FGF14: variants seen among roughly 807,000 people sequenced by gnomAD.
FGF14 encodes fibroblast growth factor homologous factor 4.
Under a neutral mutation model 25.5 loss-of-function variants are expected in FGF14, and 5 were observed. The ratio of observed to expected loss-of-function variants is 0.20; its 90% CI spans 0.10 to 0.41. FGF14 has a LOEUF of 0.41. Among genes scored for constraint, FGF14 ranks in the 10% least tolerant of loss-of-function variants. FGF14 has a pLI of 1.00. For missense variants in FGF14, 222 were observed against 320.1 expected, an observed-to-expected ratio of 0.69 and a Z score of 2.34; for synonymous variants, 138 against 118.3, an observed-to-expected ratio of 1.17 and a Z score of -1.08.
chr13:102,103,724 G>T (rs1466542176), intron 1 of FGF14, among the ~76,000 whole-genome samples: 1 of 152,112 alleles, frequency 6.6e-6, no homozygotes, highest in Non-Finnish European at 1.5e-5. Context: ...TGTTTTAGAG[G>T]TCCTTTACCT....
intron 1 of FGF14, among the ~76,000 whole-genome samples, chr13:102,399,815 G>A (rs2058659935): frequency 6.6e-6 from 1 of 152,056 alleles, no homozygotes; most frequent in Non-Finnish European, 1.5e-5. Flanking sequence ...CTAGAACACA[G>A]GGAGGAGGAC....
chr13:101,720,425 AAAAT>A lies in FGF14; in HGVS notation c.*2402_*2405del, dbSNP rs1489373793. The A allele has an allele frequency of 6.6e-6, 1 of 152,148 alleles. No homozygotes were observed. The highest frequency in any genetic ancestry group is 1.5e-5 in the Non-Finnish European group (1 of 68,012). The allele number at this position is 152,148 out of a possible 1,614,324, so 9.4% of individuals were successfully genotyped here. A position where few individuals can be genotyped will look rare whatever the true frequency, so the allele number is the denominator to read the frequency against. On this transcript the variant is annotated 3_prime_UTR_variant, in exon 5 of 5. Coordinates refer to ENST00000376143, the MANE Select transcript of FGF14 (RefSeq NM_004115.4). ...TTTACATAAATCTCAGTCATTTACAAAAATAAATCTTGTCTTAATTTAAACCAAT... is the reference window on the plus strand; with the variant it reads ...TTTACATAAATCTCAGTCATTTACAAAAATCTTGTCTTAATTTAAACCAAT...
chr13:102,124,411 C>T (rs2045864592), intron 1 of FGF14, among the ~76,000 whole-genome samples: 1 of 151,914 alleles, frequency 6.6e-6, no homozygotes, highest in Non-Finnish European at 1.5e-5. Context: ...GAGTTGTAGC[C>T]ATAGTGGGGT....
chr13:101,985,695 G>C (rs1423621219), intron 1 of FGF14, among the ~76,000 whole-genome samples: 1 of 152,008 alleles, frequency 6.6e-6, no homozygotes, highest in Non-Finnish European at 1.5e-5. Flanking sequence ...CCAGCTCCTA[G>C]TGTCATCCTG....
intron 3 of FGF14, among the ~76,000 whole-genome samples, chr13:101,775,966 A>G (rs1159321854): frequency 6.6e-6 from 1 of 152,192 alleles, no homozygotes; most frequent in Non-Finnish European, 1.5e-5. Flanking sequence ...ATGTTTTTCC[A>G]AGATAAAGAA....
At chr13:102,263,251 C>T (rs866017384) in intron 1 of FGF14, 10 of 361,890 alleles carry the variant, frequency 2.8e-5, no homozygotes, top group Middle Eastern at 1.1e-3. Flanking sequence ...AGAGAAAGGA[C>T]GATTTATTTT....
intron 1 of FGF14, among the ~76,000 whole-genome samples, chr13:102,195,970 T>A (rs1259887379): frequency 6.6e-6 from 1 of 152,176 alleles, no homozygotes; most frequent in African/African-American, 2.4e-5. Flanking sequence ...TAGATCAGTA[T>A]TGAGATTACA....
intron 1 of FGF14, among the ~76,000 whole-genome samples, chr13:102,387,740 T>G (rs895197404): frequency 9.9e-5 from 15 of 152,054 alleles, no homozygotes; most frequent in Non-Finnish European, 1.6e-4. Context: ...TGAGAGTTTT[T>G]GGGTTTTTTT....
intron 1 of FGF14, among the ~76,000 whole-genome samples, chr13:102,013,191 TAAA>T (rs980443578): frequency 6.6e-6 from 1 of 151,228 alleles, no homozygotes; most frequent in African/African-American, 2.4e-5. Flanking sequence ...ACACCAGAGA[TAAA>T]AAGAAGTAGG....
chr13:101,813,495 C>T (rs942257974), intron 3 of FGF14, among the ~76,000 whole-genome samples: 6 of 150,608 alleles, frequency 4.0e-5, no homozygotes, highest in Middle Eastern at 6.8e-3. Context: ...AAGCCTTCAC[C>T]AGACACCAAA....
intron 3 of FGF14, among the ~76,000 whole-genome samples, chr13:101,780,290 C>T (rs1169238041): frequency 6.6e-6 from 1 of 152,166 alleles, no homozygotes; most frequent in Non-Finnish European, 1.5e-5. Context: ...ACCCTTGCTT[C>T]CTTTGCTACC....
chr13:101,964,346 A>G (rs2037052893), intron 1 of FGF14, among the ~76,000 whole-genome samples: 1 of 152,210 alleles, frequency 6.6e-6, no homozygotes, highest in African/African-American at 2.4e-5. Context: ...CCACAACTGG[A>G]TACGAAATGC....
At chr13:102,191,516 G>T (rs1648587846) in intron 1 of FGF14, among the ~76,000 whole-genome samples, 1 of 152,040 alleles carries the variant, frequency 6.6e-6, no homozygotes, top group African/African-American at 2.4e-5. Context: ...CCCATCATGA[G>T]TTCCCATTCA....
chr13:102,271,075 A>G (rs1537935), intron 1 of FGF14, among the ~76,000 whole-genome samples: 120,139 of 152,114 alleles, frequency 0.79, 48,328 homozygotes, highest in African/African-American at 0.95. Context: ...CACATGCTCT[A>G]CAGAGATATT....
At chr13:102,149,690 A>G (rs1177910890) in intron 1 of FGF14, among the ~76,000 whole-genome samples, 1 of 152,174 alleles carries the variant, frequency 6.6e-6, no homozygotes, top group East Asian at 1.9e-4. Context: ...TGGGGGGAGT[A>G]ATAGGGACAA....
At chr13:102,061,707 A>G (rs2140107742) in intron 1 of FGF14, among the ~76,000 whole-genome samples, 1 of 152,320 alleles carries the variant, frequency 6.6e-6, no homozygotes, top group African/African-American at 2.4e-5. Flanking sequence ...GAACTGACAC[A>G]TGTGGCCTCC....
At chr13:102,088,845 A>G (rs1246838114) in intron 1 of FGF14, among the ~76,000 whole-genome samples, 1 of 152,198 alleles carries the variant, frequency 6.6e-6, no homozygotes, top group Non-Finnish European at 1.5e-5. Context: ...AGATGAGTAC[A>G]TTATACATAA....
At chr13:102,212,581 T>C (rs569381902) in intron 1 of FGF14, among the ~76,000 whole-genome samples, 30 of 152,308 alleles carry the variant, frequency 2.0e-4, no homozygotes, top group South Asian at 1.7e-3. Context: ...CTTCTCCTTC[T>C]CTTGACAACT....
chr13:102,354,800 A>G (rs1345363293), intron 1 of FGF14, among the ~76,000 whole-genome samples: 2 of 152,146 alleles, frequency 1.3e-5, no homozygotes, highest in African/African-American at 4.8e-5. Context: ...CCCTTTATAT[A>G]ATGTGTTAAA....
Sources: gnomAD v4.1 joint callset for allele counts (sites outside exome capture counted in the v4.1 genomes callset) on GRCh38, gnomAD v4.1.1 for gene constraint, MANE v1.5 for transcripts, NCBI Gene and HGNC (gene_info 2026-07-23, HGNC 2026-07-21) for gene names.